The following RASAL2 variants were observed in gnomAD, a reference collection of about 807,000 sequenced individuals.
RASAL2 encodes the protein RAS protein activator like 2.
A neutral mutation model predicts 128.9 loss-of-function variants in RASAL2; 58 were observed. The observed-to-expected ratio is 0.45, with a 90% CI of 0.36 to 0.56. The LOEUF (loss-of-function observed/expected upper bound fraction) is 0.56. Among genes scored for constraint, RASAL2 ranks in the 20% least tolerant of loss-of-function variants. The pLI is 0.00. For synonymous variants in RASAL2, 561 were observed against 580.8 expected, an observed-to-expected ratio of 0.97 and a Z score of 0.49; for missense variants, 1,360 against 1,601.6, an observed-to-expected ratio of 0.85 and a Z score of 2.57.
At chr1:178,381,825 A>G (rs1354374546) in intron 3 of RASAL2, among the ~76,000 whole-genome samples, 1 of 152,158 alleles carries the variant, frequency 6.6e-6, no homozygotes, top group Non-Finnish European at 1.5e-5. Flanking sequence ...AATAATGAGT[A>G]TATATTATTA....
intron 4 of RASAL2, among the ~76,000 whole-genome samples, chr1:178,398,513 G>A (rs1673403574): frequency 6.6e-6 from 1 of 152,196 alleles, no homozygotes; most frequent in South Asian, 2.1e-4. Flanking sequence ...CATATTAGAG[G>A]AGTGTTTTTA....
intron 3 of RASAL2, among the ~76,000 whole-genome samples, chr1:178,338,915 A>C (rs1669728109): frequency 6.6e-6 from 1 of 152,212 alleles, no homozygotes; most frequent in African/African-American, 2.4e-5. Context: ...TATACATGGT[A>C]AGGGTGGGGT....
At chr1:178,406,832 TATA>T (rs1202028589) in intron 4 of RASAL2, among the ~76,000 whole-genome samples, 1 of 151,340 alleles carries the variant, frequency 6.6e-6, no homozygotes, top group Non-Finnish European at 1.5e-5. Flanking sequence ...TATATTTTAA[TATA>T]ATAATTATAC....
intron 1 of RASAL2, among the ~76,000 whole-genome samples, chr1:178,255,536 A>G (rs746071904): frequency 2.0e-5 from 3 of 152,136 alleles, no homozygotes; most frequent in Non-Finnish European, 2.9e-5. Context: ...TAATATTAAT[A>G]CATGTAATAT....
intron 1 of RASAL2, among the ~76,000 whole-genome samples, chr1:178,211,234 T>G (rs1571636696): frequency 6.6e-6 from 1 of 152,190 alleles, no homozygotes; most frequent in East Asian, 1.9e-4. Flanking sequence ...GTTTCATATG[T>G]GAAGTCTTTG....
intron 15 of RASAL2, 118 bp from the exon 16 acceptor site, chr1:178,465,802 T>TAAAAA: frequency 1.0e-6 from 1 of 985,398 alleles, no homozygotes; most frequent in African/African-American, 1.7e-5. Flanking sequence ...TTTCTTTTGT[T>TAAAAA]AAAAAAAAGA....
At chr1:178,230,223 G>C (rs556870382) in intron 1 of RASAL2, among the ~76,000 whole-genome samples, 1 of 152,156 alleles carries the variant, frequency 6.6e-6, no homozygotes, top group East Asian at 1.9e-4. Context: ...CATTTGGGTC[G>C]TTTTATTTTA....
intron 3 of RASAL2, among the ~76,000 whole-genome samples, chr1:178,307,128 C>T (rs1269834621): frequency 2.6e-5 from 4 of 151,740 alleles, no homozygotes; most frequent in Non-Finnish European, 1.5e-5. Flanking sequence ...AAAAAAGGTA[C>T]AGTATGCACA....
rs537506573 is a variant in RASAL2, at chr1:178,394,493, C to T, written c.564+4287C>T. 3.0e-4 allele frequency among the ~76,000 whole-genome samples: 45 copies of T among 152,222 alleles called. No individual in the cohort carries two copies. The South Asian group carries it at 9.1e-3, about 31-fold the overall frequency. On this transcript the variant is annotated intron_variant, in intron 4 of 17. Transcript: ENST00000367649. The stretch of plus-strand genomic sequence containing the variant: ...TCTTTATACTCTATTTATAAAGTGA[C>T]TATTGATATTTATGATTTGTTTAAT...
chr1:178,118,272 G>A (rs145086218), intron 1 of RASAL2, among the ~76,000 whole-genome samples: 136 of 152,084 alleles, frequency 8.9e-4, no homozygotes, highest in African/African-American at 2.7e-3. Flanking sequence ...TCCCCTCCAC[G>A]GATGGGGAGG....
chr1:178,461,196 C>G (rs1021878216), intron 14 of RASAL2, among the ~76,000 whole-genome samples: 4 of 152,206 alleles, frequency 2.6e-5, no homozygotes, highest in Admixed American at 1.3e-4. Context: ...ATAATCAGCA[C>G]ATTTTTAAGG....
intron 1 of RASAL2, among the ~76,000 whole-genome samples, chr1:178,241,242 G>A (rs191848455): frequency 6.6e-6 from 1 of 152,142 alleles, no homozygotes; most frequent in East Asian, 1.9e-4. Flanking sequence ...AGAATGTTGA[G>A]TCACTGTATG....
At chr1:178,288,453 C>A (rs1306838699) in intron 2 of RASAL2, among the ~76,000 whole-genome samples, 2 of 151,886 alleles carry the variant, frequency 1.3e-5, no homozygotes, top group Non-Finnish European at 2.9e-5. Flanking sequence ...TTCCTTCTAC[C>A]CTTATTTTAC....
chr1:178,373,278 T>TTTTTTTTTTTTTTTTTTTTTTTTTG (rs1224658213), intron 3 of RASAL2, among the ~76,000 whole-genome samples: 1 of 142,822 alleles, frequency 7.0e-6, no homozygotes, highest in Non-Finnish European at 1.5e-5. Context: ...TCTTTCCTTT[T>TTTTTTTTTTTTTTTTTTTTTTTTTG]TTTTTTTTTT....
intron 2 of RASAL2, among the ~76,000 whole-genome samples, chr1:178,297,295 T>C (rs953034393): frequency 6.6e-6 from 1 of 151,998 alleles, no homozygotes; most frequent in Non-Finnish European, 1.5e-5. Context: ...TCAATATCTT[T>C]TTAAAAAATA....
intron 14 of RASAL2, among the ~76,000 whole-genome samples, chr1:178,459,358 T>C (rs1478274035): frequency 6.6e-6 from 1 of 151,796 alleles, no homozygotes; most frequent in Non-Finnish European, 1.5e-5. Flanking sequence ...TAATTTTTCA[T>C]GTATATAATA....
At chr1:178,097,250 C>T (rs933520998) in intron 1 of RASAL2, among the ~76,000 whole-genome samples, 21 of 152,132 alleles carry the variant, frequency 1.4e-4, no homozygotes, top group African/African-American at 4.1e-4. Flanking sequence ...CTCATGGCCT[C>T]TAGGTTTCAG....
intron 3 of RASAL2, among the ~76,000 whole-genome samples, chr1:178,389,007 C>T (rs184761958): frequency 6.6e-6 from 1 of 152,122 alleles, no homozygotes; most frequent in East Asian, 1.9e-4. Flanking sequence ...AGAGAGGGAG[C>T]GAGAGAAAAA....
At chr1:178,331,068 T>C (rs1669280594) in intron 3 of RASAL2, among the ~76,000 whole-genome samples, 1 of 152,198 alleles carries the variant, frequency 6.6e-6, no homozygotes, top group Non-Finnish European at 1.5e-5. Context: ...AAGTAGTAAA[T>C]GGCATAGCTG....
Sources: allele counts gnomAD v4.1 joint callset (sites outside exome capture counted in the v4.1 genomes callset), GRCh38; gene constraint gnomAD v4.1.1; transcripts MANE v1.5; gene names NCBI Gene and HGNC (gene_info 2026-07-23, HGNC 2026-07-21).